Variants in MACROD2 observed in about 807,000 individuals in gnomAD.
The protein encoded by MACROD2 is ADP-ribose glycohydrolase MACROD2.
A neutral mutation model predicts 70.4 loss-of-function variants in MACROD2; 36 were observed. The observed-to-expected ratio is 0.51, with a 90% CI of 0.39 to 0.68. The LOEUF is 0.68. MACROD2 is among the 30% of genes least tolerant of loss of function. The probability of loss-of-function intolerance (pLI) is 0.00; values close to 1 mark genes in which losing one functional copy is unlikely to be tolerated. For missense variants in MACROD2, 496 were observed against 538.4 expected (o/e 0.92, Z 0.78); for synonymous variants, 172 against 178.8 (o/e 0.96, Z 0.30).
At chr20:15,534,934 C>A (rs2146554299) in intron 8 of MACROD2, among the ~76,000 whole-genome samples, 1 of 152,174 alleles carries the variant, frequency 6.6e-6, no homozygotes, top group African/African-American at 2.4e-5. Flanking sequence ...TTAGAAAATT[C>A]TAAATTCTTT....
intron 5 of MACROD2, among the ~76,000 whole-genome samples, chr20:14,775,683 G>A (rs928295059): frequency 2.0e-5 from 3 of 151,842 alleles, no homozygotes; most frequent in Non-Finnish European, 4.4e-5. Context: ...CTACATCAGT[G>A]GTTTAGCTGG....
intron 4 of MACROD2, among the ~76,000 whole-genome samples, chr20:14,668,027 A>G (rs575483865): frequency 6.6e-6 from 1 of 152,088 alleles, no homozygotes; most frequent in East Asian, 1.9e-4. Context: ...GCCCTCCTAT[A>G]GTCCTAGCTA....
rs1445420760 is a variant in MACROD2, at chr20:15,933,263, GT to G, written c.776-9del. 7.4e-6 allele frequency: 12 copies of G among 1,611,540 alleles called. No individual in the cohort carries two copies. The highest frequency in any genetic ancestry group is 2.5e-6 in the Non-Finnish European group (3 of 1,178,908). ...CTTGATGCATTTTTTTTCCTCTGTG[GT>G]TTTCTTGAAAGATGAGAACGGTCCA... On this transcript the variant is annotated splice_polypyrimidine_tract_variant and intron_variant, in intron 10 of 17. Transcript: ENST00000684519.
At chr20:14,424,207 G>C (rs1034918783) in intron 3 of MACROD2, among the ~76,000 whole-genome samples, 3 of 152,132 alleles carry the variant, frequency 2.0e-5, no homozygotes, top group Non-Finnish European at 4.4e-5. Flanking sequence ...TGTGAATTTA[G>C]AGTAGGAAGC....
At chr20:15,106,404 T>C (rs2075911082) in intron 5 of MACROD2, among the ~76,000 whole-genome samples, 1 of 152,174 alleles carries the variant, frequency 6.6e-6, no homozygotes, top group Admixed American at 6.5e-5. Context: ...CCCAAATATG[T>C]AGTGAATACC....
At chr20:14,835,593 G>A (rs753547719) in intron 5 of MACROD2, among the ~76,000 whole-genome samples, 14 of 152,006 alleles carry the variant, frequency 9.2e-5, no homozygotes, top group Non-Finnish European at 1.2e-4. Flanking sequence ...TGACCCAGGA[G>A]CACAGTGCCT....
chr20:14,658,946 C>T (rs1419597510), intron 4 of MACROD2, among the ~76,000 whole-genome samples: 1 of 152,242 alleles, frequency 6.6e-6, no homozygotes, highest in South Asian at 2.1e-4. Context: ...TTTAAAATAG[C>T]GATTTTCAAA....
intron 4 of MACROD2, among the ~76,000 whole-genome samples, chr20:14,568,161 A>C (rs1163260848): frequency 6.6e-6 from 1 of 152,086 alleles, no homozygotes; most frequent in Admixed American, 6.6e-5. Context: ...GATTTATATT[A>C]CTTTTCTTCT....
chr20:15,994,218 C>T (rs553111048), intron 15 of MACROD2, among the ~76,000 whole-genome samples: 2 of 152,258 alleles, frequency 1.3e-5, no homozygotes, highest in South Asian at 2.1e-4. Context: ...TGTTTTATGG[C>T]AAGTACTGCT....
chr20:16,040,537 C>T (rs6080102), intron 15 of MACROD2, among the ~76,000 whole-genome samples: 58,006 of 151,708 alleles, frequency 0.38, 11,278 homozygotes, highest in East Asian at 0.51. Context: ...CTTTTGAATA[C>T]CTGGAAATGT....
chr20:15,495,809 G>T (rs930817918), intron 7 of MACROD2, among the ~76,000 whole-genome samples: 2 of 152,166 alleles, frequency 1.3e-5, no homozygotes, highest in African/African-American at 4.8e-5. Flanking sequence ...AAAGGTACAT[G>T]GTATTATGAA....
In MACROD2 at chr20:15,846,911, TTATATATATATATATATATATA is replaced by T. The variant is rs33993940; in HGVS notation, c.646-15814_646-15793del. On this transcript the variant is annotated intron_variant, in intron 8 of 17. Coordinates refer to ENST00000684519, the MANE Select transcript of MACROD2 (RefSeq NM_001351661.2). ...GACCTTGACATAGTCAAAAAAAAAA[TTATATATATATATATATATATA>T]TATATATATATATATATATGGCTTC... 3.4e-3 allele frequency among the ~76,000 whole-genome samples: 476 copies of T among 138,174 alleles called. 10 individuals are homozygous for T. The highest frequency in any genetic ancestry group is 0.012 in the African/African-American group (442 of 36,456). 90.6% of individuals were successfully genotyped at this position (138,174 alleles called of 152,430 possible). A position where few individuals can be genotyped will look rare whatever the true frequency, so the allele number is the denominator to read the frequency against.
At chr20:15,704,206 G>C (rs1421433249) in intron 8 of MACROD2, among the ~76,000 whole-genome samples, 1 of 151,508 alleles carries the variant, frequency 6.6e-6, no homozygotes, top group Non-Finnish European at 1.5e-5. Context: ...GCTCATTTCT[G>C]TTCCATCTTC....
intron 5 of MACROD2, among the ~76,000 whole-genome samples, chr20:15,068,801 A>G (rs2075597369): frequency 6.6e-6 from 1 of 152,198 alleles, no homozygotes; most frequent in African/African-American, 2.4e-5. Context: ...TAAAAAATGG[A>G]CTGACACAGA....
intron 4 of MACROD2, among the ~76,000 whole-genome samples, chr20:14,569,573 C>CT (rs903449124): frequency 1.9e-4 from 28 of 148,322 alleles, no homozygotes; most frequent in Admixed American, 8.8e-4. Flanking sequence ...GTCCCCCCAC[C>CT]TTTTTTTTTT....
At chr20:14,685,302 A>T (rs2070988526) in intron 5 of MACROD2, among the ~76,000 whole-genome samples, 1 of 152,186 alleles carries the variant, frequency 6.6e-6, no homozygotes, top group South Asian at 2.1e-4. Flanking sequence ...CAGCTCCTGG[A>T]AATGATGCCA....
At chr20:14,036,064 T>C (rs1473767276) in intron 2 of MACROD2, among the ~76,000 whole-genome samples, 2 of 150,774 alleles carry the variant, frequency 1.3e-5, no homozygotes, top group African/African-American at 2.5e-5. Flanking sequence ...ATGGCGTGAA[T>C]CCAGGAGGTG....
intron 5 of MACROD2, among the ~76,000 whole-genome samples, chr20:15,177,473 G>A (rs912055276): frequency 6.6e-6 from 1 of 152,206 alleles, no homozygotes; most frequent in Non-Finnish European, 1.5e-5. Context: ...CTGCCATTCT[G>A]TGTTCACACA....
At chr20:14,117,374 T>C (rs1447749702) in intron 3 of MACROD2, among the ~76,000 whole-genome samples, 1 of 152,224 alleles carries the variant, frequency 6.6e-6, no homozygotes, top group Admixed American at 6.5e-5. Context: ...TCCTGATGCC[T>C]AACTCAATGT....
Sources: gnomAD v4.1 joint callset for allele counts (sites outside exome capture counted in the v4.1 genomes callset) on GRCh38, gnomAD v4.1.1 for gene constraint, MANE v1.5 for transcripts, NCBI Gene and HGNC (gene_info 2026-07-23, HGNC 2026-07-21) for gene names.